NR6A1: variants seen among roughly 807,000 people sequenced by gnomAD.
NR6A1 encodes retinoic acid receptor-related testis-associated receptor.
A neutral mutation model predicts 59.1 loss-of-function variants in NR6A1; 7 were observed. The observed-to-expected ratio is 0.12, with a 90% CI of 0.07 to 0.22. NR6A1 has a LOEUF of 0.22. Among genes scored for constraint, NR6A1 ranks in the 10% least tolerant of loss-of-function variants. The probability of loss-of-function intolerance (pLI) is 1.00; values close to 1 mark genes in which losing one functional copy is unlikely to be tolerated. For missense variants in NR6A1, 468 were observed against 611.6 expected, an observed-to-expected ratio of 0.77 and a Z score of 2.48; for synonymous variants, 243 against 236.1, an observed-to-expected ratio of 1.03 and a Z score of -0.27.
chr9:124,573,406 C>T (rs981234145), intron 2 of NR6A1, among the ~76,000 whole-genome samples: 1 of 152,168 alleles, frequency 6.6e-6, no homozygotes, highest in African/African-American at 2.4e-5. Context: ...TTAAGTTCTT[C>T]CTTATTCTAA....
chr9:124,528,385 TA>T (rs1833002466), intron 7 of NR6A1, among the ~76,000 whole-genome samples: 2 of 151,934 alleles, frequency 1.3e-5, no homozygotes, highest in Admixed American at 1.3e-4. Flanking sequence ...AATACAACAA[TA>T]AAAAAAGACA....
At chr9:124,625,286 G>A (rs1836204204) in intron 2 of NR6A1, among the ~76,000 whole-genome samples, 1 of 152,196 alleles carries the variant, frequency 6.6e-6, no homozygotes, top group African/African-American at 2.4e-5. Flanking sequence ...CTGCTGTGAA[G>A]ATCGGTTGAG....
At chr9:124,564,481 A>C (rs1834174779) in intron 2 of NR6A1, among the ~76,000 whole-genome samples, 2 of 152,234 alleles carry the variant, frequency 1.3e-5, no homozygotes, top group Admixed American at 1.3e-4. Flanking sequence ...AGAAATATGA[A>C]ATACCCAAGG....
chr9:124,545,996 T>C (rs1310406471), intron 3 of NR6A1, among the ~76,000 whole-genome samples: 1 of 152,170 alleles, frequency 6.6e-6, no homozygotes, highest in African/African-American at 2.4e-5. Context: ...ATGCCTGTAA[T>C]CCCAGCTACT....
At chr9:124,756,821 G>A (rs977631129) in intron 1 of NR6A1, among the ~76,000 whole-genome samples, 12 of 152,106 alleles carry the variant, frequency 7.9e-5, no homozygotes, top group East Asian at 1.9e-4. Context: ...TTATCATCCC[G>A]AGATTTTTAG....
At chr9:124,707,274 C>A (rs1839161327) in intron 2 of NR6A1, among the ~76,000 whole-genome samples, 1 of 152,126 alleles carries the variant, frequency 6.6e-6, no homozygotes, top group African/African-American at 2.4e-5. Flanking sequence ...CTCAAACCGG[C>A]TGCTGAGTCC....
rs1836132793 is a variant in NR6A1, at chr9:124,623,324, G to T, written c.143-68754C>A. On this transcript the variant is annotated intron_variant, in intron 2 of 9. Transcript: ENST00000487099. ...GGAGATTCCTTTCAGAGGACTGAGAGGATAGTGTATGTCTCATGAGTCCAA... is the reference window on the plus strand; with the variant it reads ...GGAGATTCCTTTCAGAGGACTGAGATGATAGTGTATGTCTCATGAGTCCAA... Among the ~76,000 whole-genome samples, 3 of 151,938 alleles carry T rather than the reference G, an allele frequency of 2.0e-5. 1 individual carries two copies. Among genetic ancestry groups the T allele is most frequent in the African/African-American group, 7.3e-5 (3 of 41,368 alleles).
At chr9:124,587,020 C>T (rs1192522294) in intron 2 of NR6A1, among the ~76,000 whole-genome samples, 1 of 152,182 alleles carries the variant, frequency 6.6e-6, no homozygotes, top group Non-Finnish European at 1.5e-5. Context: ...TCAATAAAAT[C>T]GGCTTCATTG....
chr9:124,567,831 CTTTTT>C (rs534591761), intron 2 of NR6A1, among the ~76,000 whole-genome samples: 39 of 101,312 alleles, frequency 3.8e-4, no homozygotes, highest in African/African-American at 1.1e-3. Context: ...TAAAAATTTG[CTTTTT>C]TTTTTTTTTT....
intron 2 of NR6A1, among the ~76,000 whole-genome samples, chr9:124,656,896 A>AG (rs1837276889): frequency 6.6e-6 from 1 of 152,114 alleles, no homozygotes; most frequent in Non-Finnish European, 1.5e-5. Flanking sequence ...GGCCTGGGGG[A>AG]GGGAAGAATG....
chr9:124,552,659 A>G (rs1466323553), intron 3 of NR6A1, among the ~76,000 whole-genome samples: 3 of 152,278 alleles, frequency 2.0e-5, no homozygotes, highest in East Asian at 1.9e-4. Context: ...AACCACCCCT[A>G]AACTATTGCT....
chr9:124,524,609 A>G, intron 9 of NR6A1, 112 bp downstream of exon 9: 1 of 1,203,376 alleles, frequency 8.3e-7, no homozygotes, highest in Non-Finnish European at 1.2e-6. Flanking sequence ...GAACTCTTTC[A>G]TGCAGTTGGT....
chr9:124,588,318 AATTTTTCATGAT>A (rs1834993645), intron 2 of NR6A1, among the ~76,000 whole-genome samples: 1 of 151,766 alleles, frequency 6.6e-6, no homozygotes, highest in South Asian at 2.1e-4. Context: ...CTAGATCTAG[AATTTTTCATGAT>A]GGAGTCTCAC....
At chr9:124,632,221 T>C (rs182288411) in intron 2 of NR6A1, among the ~76,000 whole-genome samples, 1 of 152,266 alleles carries the variant, frequency 6.6e-6, no homozygotes, top group Admixed American at 6.5e-5. Flanking sequence ...TGTTACTGTA[T>C]CTAGGTCTTT....
chr9:124,587,750 G>A (rs999530969), intron 2 of NR6A1, among the ~76,000 whole-genome samples: 9 of 152,126 alleles, frequency 5.9e-5, no homozygotes, highest in Non-Finnish European at 8.8e-5. Flanking sequence ...CACTAAGACC[G>A]CAAATTATGA....
intron 2 of NR6A1, among the ~76,000 whole-genome samples, chr9:124,654,111 A>C (rs550700877): frequency 6.6e-6 from 1 of 152,340 alleles, no homozygotes; most frequent in East Asian, 1.9e-4. Flanking sequence ...TGTTAGCCCC[A>C]AAATGGTTAT....
At chr9:124,738,565 C>T (rs138621396) in intron 1 of NR6A1, among the ~76,000 whole-genome samples, 80 of 152,106 alleles carry the variant, frequency 5.3e-4, no homozygotes, top group African/African-American at 1.6e-3. Context: ...AAGATAAATG[C>T]GTACTGAAAA....
At position 124,522,195 on chromosome 9, in the gene NR6A1, G is replaced by A. The variant is rs537806702; in HGVS notation, c.*510C>T. 69 of 155,678 alleles carry A rather than the reference G, an allele frequency of 4.4e-4. No individual in the cohort carries two copies. Among genetic ancestry groups the A allele is most frequent in the African/African-American group, 1.4e-3 (59 of 41,558 alleles). The allele number at this position is 155,678 out of a possible 1,614,324, so 9.6% of individuals were successfully genotyped here. On this transcript the variant is annotated 3_prime_UTR_variant, in exon 10 of 10. Transcript: ENST00000487099. ...ACACTTTGCCCCCTTACAGTGTGCC[G>A]TTTTATCTGGCAATTCTGTGGCTAA...
intron 2 of NR6A1, among the ~76,000 whole-genome samples, chr9:124,660,777 T>C (rs961325373): frequency 1.3e-5 from 2 of 152,050 alleles, no homozygotes; most frequent in Admixed American, 6.6e-5. Flanking sequence ...TCCCATGTGC[T>C]CGCTTTTCTC....
Sources: allele counts gnomAD v4.1 joint callset (sites outside exome capture counted in the v4.1 genomes callset), GRCh38; gene constraint gnomAD v4.1.1; transcripts MANE v1.5; gene names NCBI Gene and HGNC (gene_info 2026-07-23, HGNC 2026-07-21).